Variants in GRID2IP observed in about 807,000 individuals in gnomAD.
The protein encoded by GRID2IP is delphilin.
A neutral mutation model predicts 114.3 loss-of-function variants in GRID2IP; 78 were observed. The observed-to-expected ratio is 0.68, with a 90% confidence interval of 0.57 to 0.82. The LOEUF is 0.82. Ranked by LOEUF, GRID2IP falls within the 40% of genes least tolerant of loss-of-function variation. The pLI is 0.00. For synonymous variants in GRID2IP, 809 were observed against 724.0 expected (o/e 1.12, Z -1.89); for missense variants, 1,727 against 1,678.5 (o/e 1.03, Z -0.51).
Position 6,522,677 on chromosome 7 carries a change from G to A in GRID2IP, c.920-720C>T, listed in dbSNP as rs1291614830. On this transcript the variant is annotated intron_variant, in intron 4 of 21. Coordinates refer to ENST00000457091, the MANE Select transcript of GRID2IP (RefSeq NM_001145118.2). ...ATTTTTTTTTTTGAGATGGAGTCTC[G>A]CTCTATCACCCAGGCTGGAGTGCAG... is the stretch of plus-strand genomic sequence containing the variant. Among the ~76,000 whole-genome samples the A allele has an allele frequency of 3.3e-5, 5 of 151,164 alleles. No individual in the cohort carries two copies. The South Asian group carries it at 6.3e-4, about 19-fold the overall frequency.
In GRID2IP at chr7:6,518,460, G is replaced by A. The variant is rs184714087; in HGVS notation, c.1268+2118C>T. ...GCTAAGAAAGTAGCAAAAATAGGCCGGGTGTCGTGGCTCACACCTGTAATC... is the reference window on the plus strand; with the variant it reads ...GCTAAGAAAGTAGCAAAAATAGGCCAGGTGTCGTGGCTCACACCTGTAATC... On this transcript the variant is annotated intron_variant, in intron 7 of 21. Transcript: ENST00000457091. Among the ~76,000 whole-genome samples the A allele has an allele frequency of 2.9e-3, 437 of 152,150 alleles. 2 individuals carry two copies. Among genetic ancestry groups the A allele is most frequent in the Non-Finnish European group, 3.8e-3 (261 of 67,992 alleles).
Position 6,520,878 on chromosome 7 carries a change from C to A in GRID2IP, c.1085-117G>T. ...GAGCTGGGGTGTGGCTGTCCAGTGC[C>A]ATGCATGGGAAGGCATGCCTGTGGC... On this transcript the variant is annotated intron_variant, in intron 6 of 21. Transcript: ENST00000457091. The surrounding 1 kb of genome is among the most constrained non-coding windows in gnomAD (Gnocchi z 4.6). The A allele has an allele frequency of 1.0e-6, 1 of 975,336 alleles. No homozygotes were observed. 60.4% of individuals were successfully genotyped at this position (975,336 alleles called of 1,614,324 possible).
In GRID2IP at chr7:6,515,419, C is replaced by G. The variant is rs764501215; in HGVS notation, c.1269-890G>C. ...GAGGTTGTAGTGAGCTGAGATTGCG[C>G]CACTGCACTCCAGCCTGGGTGACAG... On this transcript the variant is annotated intron_variant, in intron 7 of 21. Transcript: ENST00000457091. 2.0e-5 allele frequency among the ~76,000 whole-genome samples: 3 copies of G among 151,280 alleles called. No homozygotes were observed. The South Asian group carries it at 6.3e-4, about 32-fold the overall frequency.
chr7:6,544,932 A>T (rs1779865575), intron 1 of GRID2IP, among the ~76,000 whole-genome samples: 1 of 152,034 alleles, frequency 6.6e-6, no homozygotes, highest in African/African-American at 2.4e-5. Flanking sequence ...ATAGAAAAAA[A>T]ATTAGCCAGG....
chr7:6,536,786 TC>T lies in GRID2IP; in HGVS notation c.584+2931del. ...TCTAGAAATAACTTTTTTCCTTTTT[TC>T]CCCTCTTCTGATTCTCCTAGCAAGG... is the stretch of plus-strand genomic sequence containing the variant. On this transcript the variant is annotated intron_variant, in intron 2 of 21. Coordinates refer to ENST00000457091, the MANE Select transcript of GRID2IP (RefSeq NM_001145118.2). This position sits in a 1 kb window ranked among gnomAD's most constrained non-coding sequence, Gnocchi z 5.3. 1 of 702,014 alleles carries T rather than the reference TC, an allele frequency of 1.4e-6. No homozygotes were observed. Among genetic ancestry groups the T allele is most frequent in the Admixed American group, 2.0e-5 (1 of 49,914 alleles). The allele number at this position is 702,014 out of a possible 1,614,324, so 43.5% of individuals were successfully genotyped here.
Position 6,497,035 on chromosome 7 carries a change from T to G in GRID2IP, c.*739A>C, listed in dbSNP as rs1786274128. Among the ~76,000 whole-genome samples, 1 of 152,122 alleles carries G rather than the reference T, an allele frequency of 6.6e-6. No individual in the cohort carries two copies. The highest frequency in any genetic ancestry group is 2.4e-5 in the African/African-American group (1 of 41,408). On this transcript the variant is annotated 3_prime_UTR_variant, in exon 22 of 22. Coordinates refer to ENST00000457091, the MANE Select transcript of GRID2IP (RefSeq NM_001145118.2). ...TCCGTCCAGGTGAGAAGTCTGGCAG[T>G]TGGCCACCAGATCCTGCTCACCTCC...
intron 8 of GRID2IP, 106 bp from the exon 9 acceptor site, chr7:6,511,145 C>T: frequency 7.9e-7 from 1 of 1,264,226 alleles, no homozygotes; most frequent in South Asian, 2.8e-5. Context: ...AATATGCAGA[C>T]CCCAAGCTAC....
At chr7:6,540,687 A>T (rs1320065890) in intron 1 of GRID2IP, among the ~76,000 whole-genome samples, 3 of 92,278 alleles carry the variant, frequency 3.3e-5, no homozygotes, top group Non-Finnish European at 4.0e-5. Context: ...CACCTGGCTA[A>T]TTTTTTTTTT....
At chr7:6,522,420 T>C (rs897701999) in intron 4 of GRID2IP, among the ~76,000 whole-genome samples, 5 of 152,070 alleles carry the variant, frequency 3.3e-5, no homozygotes, top group African/African-American at 9.7e-5. Context: ...CCCTGCTCCA[T>C]ACACTGTTCT....
chr7:6,530,148 C>T (rs1426299263), intron 2 of GRID2IP, among the ~76,000 whole-genome samples: 6 of 151,668 alleles, frequency 4.0e-5, no homozygotes, highest in African/African-American at 9.7e-5. Context: ...TTAGTTGAGA[C>T]AGGGTTTCAC....
At position 6,510,347 on chromosome 7, in the gene GRID2IP, C is replaced by T; in HGVS notation, c.1707G>A (p.Gly569=). Residue 569 remains glycine (G), a synonymous_variant, in exon 11 of 22, where the codon GGG becomes GGA. Coordinates refer to ENST00000457091, the MANE Select transcript of GRID2IP (RefSeq NM_001145118.2). The part of the protein sequence containing the change: ...LESRLNSSFK[G]KMGTVSKSRA... ...GGGATTTGGACACGGTCCCCATCTT[C>T]CCTTTGAAGCTGCTGTTCAGTCGAG... 6.5e-7 allele frequency: 1 copy of T among 1,547,246 alleles called. No individual in the cohort carries two copies. The highest frequency in any genetic ancestry group is 8.7e-7 in the Non-Finnish European group (1 of 1,145,124).
At position 6,534,406 on chromosome 7, in the gene GRID2IP, T is replaced by A. The variant is rs970095212; in HGVS notation, c.584+5312A>T. On this transcript the variant is annotated intron_variant, in intron 2 of 21. Transcript: ENST00000457091. This position sits in a 1 kb window ranked among gnomAD's most constrained non-coding sequence, Gnocchi z 4.5. ...GCCTGTCCTAATTAGAAAGCCATTT[T>A]CTCACTTCATCAGACCGGGGTCCCT... 6.6e-6 allele frequency among the ~76,000 whole-genome samples: 1 copy of A among 152,202 alleles called. No homozygotes were observed. The highest frequency in any genetic ancestry group is 1.5e-5 in the Non-Finnish European group (1 of 68,038).
Position 6,503,477 on chromosome 7 carries a change from T to C in GRID2IP, c.2907+14A>G. The C allele has an allele frequency of 6.6e-7, 1 of 1,512,664 alleles. No homozygotes were observed. Among genetic ancestry groups the C allele is most frequent in the Admixed American group, 2.1e-5 (1 of 48,224 alleles). The allele number at this position is 1,512,664 out of a possible 1,614,324, so 93.7% of individuals were successfully genotyped here. On this transcript the variant is annotated intron_variant, in intron 16 of 21. Coordinates refer to ENST00000457091, the MANE Select transcript of GRID2IP (RefSeq NM_001145118.2). ...GCCGGCCGAGGCCTCGGGGCGGGGTTGTGGTCGCGGCACCTGCAGGACGAA... is the reference window on the plus strand; with the variant it reads ...GCCGGCCGAGGCCTCGGGGCGGGGTCGTGGTCGCGGCACCTGCAGGACGAA...
rs909987845 is a variant in GRID2IP, at chr7:6,532,105, G to A, written c.585-5336C>T. 3.3e-5 allele frequency among the ~76,000 whole-genome samples: 5 copies of A among 152,092 alleles called. No individual in the cohort carries two copies. Among genetic ancestry groups the A allele is most frequent in the African/African-American group, 9.7e-5 (4 of 41,412 alleles). ...CTGGACTCATCCCTGGAGGCTCTGG[G>A]CCTGCCATCCCCTGAACAGCAGCAG... On this transcript the variant is annotated intron_variant, in intron 2 of 21. Transcript: ENST00000457091. This position sits in a 1 kb window ranked among gnomAD's most constrained non-coding sequence, Gnocchi z 4.4.
At chr7:6,537,341 C>T (rs193158374) in intron 2 of GRID2IP, among the ~76,000 whole-genome samples, 3,281 of 134,260 alleles carry the variant, frequency 0.024, 40 homozygotes, top group South Asian at 0.055. Flanking sequence ...GTCAGGAGTT[C>T]GAGACCAGCC....
chr7:6,542,028 G>A (rs569032688), intron 1 of GRID2IP, among the ~76,000 whole-genome samples: 32 of 152,194 alleles, frequency 2.1e-4, no homozygotes, highest in African/African-American at 6.0e-4. Flanking sequence ...TCAGCCAGGC[G>A]CGGTGGCTCA....
At position 6,528,904 on chromosome 7, in the gene GRID2IP, C is replaced by T. The variant is rs1779565790; in HGVS notation, c.585-2135G>A. Among the ~76,000 whole-genome samples, 1 of 152,100 alleles carries T rather than the reference C, an allele frequency of 6.6e-6. No homozygotes were observed. Among genetic ancestry groups the T allele is most frequent in the Admixed American group, 6.5e-5 (1 of 15,270 alleles). On this transcript the variant is annotated intron_variant, in intron 2 of 21. Transcript: ENST00000457091. This position sits in a 1 kb window ranked among gnomAD's most constrained non-coding sequence, Gnocchi z 6.0. ...GCAAATCCGGAAACACAGCCTCATC[C>T]CCCAGATGGTCATTTAAGGTCTCCA...
At chr7:6,537,970 G>T (rs1779754781) in intron 2 of GRID2IP, among the ~76,000 whole-genome samples, 1 of 152,176 alleles carries the variant, frequency 6.6e-6, no homozygotes, top group Non-Finnish European at 1.5e-5. Flanking sequence ...ACCTCTCCGA[G>T]CCTCAGTCTG....
chr7:6,547,814 G>C (rs1208176981), intron 1 of GRID2IP, among the ~76,000 whole-genome samples: 1 of 152,186 alleles, frequency 6.6e-6, no homozygotes, highest in Non-Finnish European at 1.5e-5. Context: ...GGTTAGGACT[G>C]GACCAAGCTT....
Sources: gnomAD v4.1 joint callset for allele counts (sites outside exome capture counted in the v4.1 genomes callset) on GRCh38, gnomAD v4.1.1 for gene constraint, Gnocchi (gnomAD v3.1) non-coding constraint, MANE v1.5 for transcripts, NCBI Gene and HGNC (gene_info 2026-07-23, HGNC 2026-07-21) for gene names.